Variants in ERICH3 observed in about 807,000 individuals in gnomAD.
ERICH3 encodes the protein glutamate-rich protein 3.
Under a neutral mutation model 131.1 loss-of-function variants are expected in ERICH3, and 126 were observed. That is an observed-to-expected ratio of 0.96 (90% confidence interval 0.83 to 1.11). ERICH3 has a LOEUF of 1.11. ERICH3 is among the 50% of genes most tolerant of loss of function. The probability of loss-of-function intolerance (pLI) is 0.00; values close to 1 mark genes in which losing one functional copy is unlikely to be tolerated. For synonymous variants in ERICH3, 695 were observed against 644.6 expected (o/e 1.08, Z -1.18); for missense variants, 2,050 against 1,810.7 (o/e 1.13, Z -2.40).
At chr1:74,628,383 C>T (rs748709220) in intron 7 of ERICH3, among the ~76,000 whole-genome samples, 5 of 152,028 alleles carry the variant, frequency 3.3e-5, no homozygotes, top group East Asian at 1.9e-4. Context: ...CGATTCATTT[C>T]GTAAAGAGAA....
intron 11 of ERICH3, 134 bp from the exon 12 acceptor site, chr1:74,590,214 A>T (rs1395177727): frequency 1.4e-5 from 11 of 814,474 alleles, no homozygotes; most frequent in Non-Finnish European, 2.0e-5. Flanking sequence ...TCCTTTTCCC[A>T]TATAGTCTAC....
At chr1:74,619,240 G>C (rs1324107920) in intron 8 of ERICH3, among the ~76,000 whole-genome samples, 1 of 152,110 alleles carries the variant, frequency 6.6e-6, no homozygotes, top group Non-Finnish European at 1.5e-5. Context: ...ATCACAGAGT[G>C]TACATCATCT....
chr1:74,664,157 T>C (rs1360520799), intron 1 of ERICH3, among the ~76,000 whole-genome samples: 3 of 152,056 alleles, frequency 2.0e-5, no homozygotes, highest in African/African-American at 7.2e-5. Context: ...AAAAACAGAA[T>C]AATCAACTTG....
At chr1:74,663,631 A>G (rs1646662711) in intron 1 of ERICH3, among the ~76,000 whole-genome samples, 1 of 151,844 alleles carries the variant, frequency 6.6e-6, no homozygotes, top group South Asian at 2.1e-4. Context: ...TTAAAAAAAA[A>G]AAAAAAAAAA....
intron 1 of ERICH3, among the ~76,000 whole-genome samples, chr1:74,672,251 G>T (rs539712694): frequency 1.3e-5 from 2 of 152,122 alleles, no homozygotes; most frequent in Non-Finnish European, 2.9e-5. Flanking sequence ...AGTGCTATTT[G>T]CATCTTACGT....
Position 74,673,790 on chromosome 1 carries a change from A to T in ERICH3, c.-271T>A. ...CAGGGTCTGGAGAAGCGGAGGCGCT[A>T]CTGGAACCGAGCCTGCGGAAGCTGG... On this transcript the variant is annotated 5_prime_UTR_variant, in exon 1 of 15. Coordinates refer to ENST00000326665, the MANE Select transcript of ERICH3 (RefSeq NM_001002912.5). 1 of 376,140 alleles carries T rather than the reference A, an allele frequency of 2.7e-6. No individual in the cohort carries two copies. Among genetic ancestry groups the T allele is most frequent in the Non-Finnish European group, 4.7e-6 (1 of 214,212 alleles). The allele number at this position is 376,140 out of a possible 1,614,324, so 23.3% of individuals were successfully genotyped here.
At position 74,665,208 on chromosome 1, in the gene ERICH3, G is replaced by A. The variant is rs143912650; in HGVS notation, c.23+8289C>T. Among the ~76,000 whole-genome samples, 518 of 137,742 alleles carry A rather than the reference G, an allele frequency of 3.8e-3. 4 individuals are homozygous for A. The highest frequency in any genetic ancestry group is 0.01 in the South Asian group (48 of 4,668). 90.4% of individuals were successfully genotyped at this position (137,742 alleles called of 152,430 possible). A position where few individuals can be genotyped will look rare whatever the true frequency, so the allele number is the denominator to read the frequency against. The stretch of plus-strand genomic sequence containing the variant: ...AGCCTGGGCGACAGAGCAAGACTCC[G>A]TCTCAAAAAAAAAAACAGCCATCTG... On this transcript the variant is annotated intron_variant, in intron 1 of 14. Transcript: ENST00000326665.
chr1:74,614,689 A>G (rs1648880981), intron 8 of ERICH3, among the ~76,000 whole-genome samples: 1 of 151,942 alleles, frequency 6.6e-6, no homozygotes, highest in Admixed American at 6.6e-5. Flanking sequence ...AAAAAAAAAA[A>G]AAACTCTACA....
At chr1:74,655,386 G>T (rs990661866) in intron 1 of ERICH3, among the ~76,000 whole-genome samples, 1 of 152,148 alleles carries the variant, frequency 6.6e-6, no homozygotes, top group African/African-American at 2.4e-5. Context: ...CATTCCTTCT[G>T]CAGGATCTAA....
intron 1 of ERICH3, among the ~76,000 whole-genome samples, chr1:74,670,140 T>C (rs1428776071): frequency 6.6e-6 from 1 of 152,212 alleles, no homozygotes; most frequent in East Asian, 1.9e-4. Context: ...TTTGTGCTTA[T>C]TGTTTTCATT....
In ERICH3 at chr1:74,572,895, C is replaced by G; in HGVS notation, c.2815G>C (p.Val939Leu). The change falls in exon 14 of 15, where the codon GTG becomes CTG. Residue 939 changes from valine to leucine, a missense_variant. Transcript: ENST00000326665. ...TCTTCACTTTCTCCGACATCACTCA[C>G]AGCCACCCCACCCTCAGCCTCTCCC... Reference protein sequence around the residue: ...EEGEAEGGVAVSDVGESEEEA... With the variant: ...EEGEAEGGVALSDVGESEEEA... 3.1e-6 allele frequency: 5 copies of G among 1,614,048 alleles called. No homozygotes were observed. Among genetic ancestry groups the G allele is most frequent in the Non-Finnish European group, 4.2e-6 (5 of 1,180,012 alleles).
chr1:74,575,597 T>C (rs752192419), intron 13 of ERICH3, among the ~76,000 whole-genome samples: 40 of 152,230 alleles, frequency 2.6e-4, no homozygotes, highest in Non-Finnish European at 1.5e-4. Context: ...GTCTCTTTAA[T>C]AGTGTATCTG....
chr1:74,596,352 CAAAT>C (rs1376449800), intron 11 of ERICH3, among the ~76,000 whole-genome samples: 3 of 151,760 alleles, frequency 2.0e-5, no homozygotes, highest in South Asian at 2.1e-4. Context: ...TTGTAATTGA[CAAAT>C]AATTATTGTA....
At chr1:74,646,968 G>GAA (rs1263923307) in intron 2 of ERICH3, among the ~76,000 whole-genome samples, 176 bp from the exon 3 acceptor site, 25 of 115,876 alleles carry the variant, frequency 2.2e-4, no homozygotes, top group African/African-American at 7.7e-4. Flanking sequence ...GGGAGAGAGA[G>GAA]AAAAAAAAAA....
intron 5 of ERICH3, among the ~76,000 whole-genome samples, chr1:74,639,574 T>C (rs1646419989): frequency 6.6e-6 from 1 of 152,208 alleles, no homozygotes; most frequent in African/African-American, 2.4e-5. Flanking sequence ...AGAATATGAA[T>C]TGAAATTAAC....
At chr1:74,634,431 A>G (rs145689246) in intron 6 of ERICH3, among the ~76,000 whole-genome samples, 6 of 152,210 alleles carry the variant, frequency 3.9e-5, no homozygotes, top group East Asian at 1.9e-4. Flanking sequence ...CTGTCTTTCA[A>G]TAATACATAC....
intron 1 of ERICH3, among the ~76,000 whole-genome samples, chr1:74,666,909 AT>A (rs887675843): frequency 6.6e-6 from 1 of 152,216 alleles, no homozygotes; most frequent in Non-Finnish European, 1.5e-5. Context: ...AGCCAAAGAA[AT>A]AAACAAAGGA....
intron 1 of ERICH3, among the ~76,000 whole-genome samples, chr1:74,673,000 G>GA (rs1390345788): frequency 1.1e-4 from 17 of 151,870 alleles, no homozygotes; most frequent in African/African-American, 3.1e-4. Flanking sequence ...AGATTGGGCA[G>GA]AAAAAAATCC....
chr1:74,580,501 T>C (rs1331315428), intron 12 of ERICH3, among the ~76,000 whole-genome samples: 1 of 152,216 alleles, frequency 6.6e-6, no homozygotes, highest in Non-Finnish European at 1.5e-5. Context: ...TTTCTAAATG[T>C]TCTTTTAAAA....
Sources: allele counts gnomAD v4.1 joint callset (sites outside exome capture counted in the v4.1 genomes callset), GRCh38; gene constraint gnomAD v4.1.1; transcripts MANE v1.5; gene names NCBI Gene and HGNC (gene_info 2026-07-23, HGNC 2026-07-21).